Variants in NBAS observed in about 807,000 individuals in gnomAD.
NBAS encodes the protein NBAS subunit of NRZ tethering complex.
NBAS carries 219 observed loss-of-function variants against 302.5 expected under a neutral mutation model. The ratio of observed to expected loss-of-function variants is 0.72; its 90% CI spans 0.65 to 0.81. The LOEUF is 0.81. Ranked by LOEUF, NBAS falls within the 30% of genes least tolerant of loss-of-function variation. NBAS has a pLI of 0.00. For synonymous variants in NBAS, 1,118 were observed against 1,021.6 expected, an observed-to-expected ratio of 1.09 and a Z score of -1.80; for missense variants, 2,932 against 2,841.6, an observed-to-expected ratio of 1.03 and a Z score of -0.72.
intron 46 of NBAS, among the ~76,000 whole-genome samples, chr2:15,234,234 A>C (rs1316280529): frequency 6.6e-6 from 1 of 152,206 alleles, no homozygotes; most frequent in Non-Finnish European, 1.5e-5. Context: ...TTGAAGTCAC[A>C]GGAGAGTCTG....
At chr2:14,850,262 A>C in the NBAS span, among the ~76,000 whole-genome samples, 1 of 128,726 alleles carries the variant, frequency 7.8e-6, no homozygotes, top group Non-Finnish European at 1.5e-5. Context: ...AAACAAAAAA[A>C]GGCAGGGGTT....
the NBAS span, among the ~76,000 whole-genome samples, chr2:14,813,470 G>T: frequency 1.3e-5 from 2 of 152,186 alleles, no homozygotes; most frequent in South Asian, 4.1e-4. Context: ...TGGCAGCGTT[G>T]TGCCCCTGCT....
At chr2:15,144,457 A>T in the NBAS span, among the ~76,000 whole-genome samples, 2 of 152,238 alleles carry the variant, frequency 1.3e-5, no homozygotes, top group East Asian at 3.8e-4. Context: ...CTATTGATTC[A>T]GATACAATTG....
At chr2:15,285,486 T>C (rs1669995781) in intron 42 of NBAS, among the ~76,000 whole-genome samples, 1 of 152,172 alleles carries the variant, frequency 6.6e-6, no homozygotes, top group Non-Finnish European at 1.5e-5. Flanking sequence ...TTCTCTGTTC[T>C]TTCCCCAAGC....
chr2:15,160,004 T>C, the NBAS span, among the ~76,000 whole-genome samples: 6 of 152,200 alleles, frequency 3.9e-5, no homozygotes, highest in African/African-American at 1.4e-4. Flanking sequence ...ATTGTGAAGA[T>C]TAGCTATATT....
chr2:14,837,943 A>T, the NBAS span, among the ~76,000 whole-genome samples: 1 of 151,728 alleles, frequency 6.6e-6, no homozygotes, highest in Non-Finnish European at 1.5e-5. Context: ...TGAAATGTCT[A>T]TTTCACCTTC....
the NBAS span, among the ~76,000 whole-genome samples, chr2:14,828,635 G>C: frequency 4.6e-5 from 7 of 152,176 alleles, no homozygotes; most frequent in Admixed American, 6.5e-5. Flanking sequence ...TGAAACAAGA[G>C]TGAAAACAAG....
chr2:15,309,270 T>C lies in NBAS; in HGVS notation c.4583-23A>G, dbSNP rs536379024. 2.3e-4 allele frequency: 369 copies of C among 1,589,440 alleles called. 5 individuals carry two copies. In the South Asian group the frequency reaches 4.0e-3, roughly 17 times the overall value. On this transcript the variant is annotated intron_variant, in intron 38 of 51. Coordinates refer to ENST00000281513, the MANE Select transcript of NBAS (RefSeq NM_015909.4). ...GAACTGAATGCAGAAAAAGAAACATTATTTTACTGAGGTTGCATATGATAT... is the reference window on the plus strand; with the variant it reads ...GAACTGAATGCAGAAAAAGAAACATCATTTTACTGAGGTTGCATATGATAT...
chr2:15,317,105 A>G (rs1200564231), intron 38 of NBAS, among the ~76,000 whole-genome samples: 3 of 152,244 alleles, frequency 2.0e-5, no homozygotes, highest in Non-Finnish European at 4.4e-5. Context: ...ACAGGCAAAC[A>G]GCGTCTGGAG....
the NBAS span, among the ~76,000 whole-genome samples, chr2:14,873,020 G>C: frequency 6.6e-6 from 1 of 152,218 alleles, no homozygotes; most frequent in Non-Finnish European, 1.5e-5. Context: ...AAGAAAAAAA[G>C]TTCCACGTGC....
chr2:15,480,116 G>A (rs556094929), intron 12 of NBAS, among the ~76,000 whole-genome samples: 88 of 152,276 alleles, frequency 5.8e-4, no homozygotes, highest in Non-Finnish European at 9.6e-4. Context: ...CAAGGCAGGA[G>A]AGCTGCTTGA....
chr2:15,440,699 A>G (rs996168802), intron 21 of NBAS, among the ~76,000 whole-genome samples: 6 of 152,204 alleles, frequency 3.9e-5, no homozygotes, highest in South Asian at 4.1e-4. Context: ...CAGATGATCC[A>G]ACTACTCCGA....
chr2:14,936,614 G>A, the NBAS span, among the ~76,000 whole-genome samples: 5 of 152,180 alleles, frequency 3.3e-5, no homozygotes, highest in Admixed American at 2.6e-4. Context: ...CAAGATAACT[G>A]GCCACAACCT....
the NBAS span, among the ~76,000 whole-genome samples, chr2:15,137,443 A>G: frequency 6.6e-6 from 1 of 152,146 alleles, no homozygotes; most frequent in African/African-American, 2.4e-5. Flanking sequence ...ACCTCAGTCC[A>G]TTCTATAATC....
chr2:14,939,414 T>C, the NBAS span, among the ~76,000 whole-genome samples: 1 of 152,212 alleles, frequency 6.6e-6, no homozygotes, highest in South Asian at 2.1e-4. Context: ...CTTGCAAAAC[T>C]TTTCTTCAGC....
At chr2:15,428,100 G>A (rs944922515) in intron 21 of NBAS, among the ~76,000 whole-genome samples, 7 of 152,220 alleles carry the variant, frequency 4.6e-5, no homozygotes, top group Admixed American at 3.9e-4. Flanking sequence ...TGCAGTGCAT[G>A]TTGTTAAAAC....
chr2:15,140,855 G>A, the NBAS span, among the ~76,000 whole-genome samples: 1 of 152,108 alleles, frequency 6.6e-6, no homozygotes, highest in Middle Eastern at 3.2e-3. Context: ...AGCATTAAAT[G>A]GTATAATACA....
At chr2:14,877,319 C>T in the NBAS span, among the ~76,000 whole-genome samples, 1 of 152,084 alleles carries the variant, frequency 6.6e-6, no homozygotes, top group Non-Finnish European at 1.5e-5. Flanking sequence ...CTTTACATTC[C>T]ACCCCCCTTG....
At chr2:14,870,011 C>T in the NBAS span, among the ~76,000 whole-genome samples, 8 of 152,076 alleles carry the variant, frequency 5.3e-5, no homozygotes, top group Non-Finnish European at 1.2e-4. Flanking sequence ...TTACTTTTTT[C>T]TTTAAATAAT....
Sources: allele counts gnomAD v4.1 joint callset (sites outside exome capture counted in the v4.1 genomes callset), GRCh38; gene constraint gnomAD v4.1.1; transcripts MANE v1.5; gene names NCBI Gene and HGNC (gene_info 2026-07-23, HGNC 2026-07-21).